The following GABRA3 variants were observed in gnomAD, a reference collection of about 807,000 sequenced individuals.
GABRA3 encodes gamma-aminobutyric acid type A receptor subunit alpha3, also known as gamma-aminobutyric acid receptor subunit alpha-3.
A neutral mutation model predicts 30.1 loss-of-function variants in GABRA3; 10 were observed. The ratio of observed to expected loss-of-function variants is 0.33; its 90% CI spans 0.20 to 0.56. GABRA3 has a LOEUF of 0.56. GABRA3 is among the 20% of genes least tolerant of loss of function. The pLI is 0.89. For synonymous variants in GABRA3, 151 were observed against 146.8 expected, an observed-to-expected ratio of 1.03 and a Z score of -0.21; for missense variants, 233 against 392.0, an observed-to-expected ratio of 0.59 and a Z score of 3.42.
intron 7 of GABRA3, among the ~76,000 whole-genome samples, chrX:152,201,768 T>C (rs1441917115): frequency 8.0e-5 from 9 of 112,088 alleles, no homozygotes; most frequent in Non-Finnish European, 1.7e-4. Context: ...ATCTTGGGTA[T>C]TTTTCCCTCT....
intron 4 of GABRA3, among the ~76,000 whole-genome samples, chrX:152,264,356 G>C (rs1938784601): frequency 9.0e-6 from 1 of 111,699 alleles, no homozygotes; most frequent in Non-Finnish European, 1.9e-5. Context: ...ATAAGGTATA[G>C]AATTTTTATT....
chrX:152,203,242 T>C (rs1937506522), intron 7 of GABRA3, among the ~76,000 whole-genome samples: 1 of 111,888 alleles, frequency 8.9e-6, no homozygotes, highest in African/African-American at 3.3e-5. Context: ...TATCAGTGTG[T>C]TTACTCTCCC....
chrX:152,321,840 T>A (rs1939968843), intron 3 of GABRA3, among the ~76,000 whole-genome samples: 1 of 110,926 alleles, frequency 9.0e-6, no homozygotes, highest in Admixed American at 9.6e-5. Flanking sequence ...TCAAACATGC[T>A]GAATTCCTTT....
intron 3 of GABRA3, among the ~76,000 whole-genome samples, chrX:152,298,007 C>T (rs1020887471): frequency 1.2e-4 from 13 of 112,091 alleles, no homozygotes; most frequent in African/African-American, 4.2e-4. Flanking sequence ...AGAGGAATGT[C>T]CTTCAACTGG....
chrX:152,192,380 A>C, intron 8 of GABRA3, among the ~76,000 whole-genome samples: 1 of 112,175 alleles, frequency 8.9e-6, no homozygotes, highest in Non-Finnish European at 1.9e-5. Context: ...TAGTGCACTT[A>C]CGTGATGACA....
At chrX:152,292,086 A>C (rs1939430033) in intron 3 of GABRA3, among the ~76,000 whole-genome samples, 1 of 111,650 alleles carries the variant, frequency 9.0e-6, no homozygotes, top group African/African-American at 3.3e-5. Context: ...AGTTTCAAAA[A>C]GATGGTACCA....
At chrX:152,375,450 T>A (rs771698829) in intron 1 of GABRA3, among the ~76,000 whole-genome samples, 5 of 112,544 alleles carry the variant, frequency 4.4e-5, no homozygotes, top group Admixed American at 2.8e-4. Flanking sequence ...GTTATTCTTC[T>A]AGTTTATAAA....
rs777080997 is a variant in GABRA3, at chrX:152,171,266, CT to C, written c.1144-2704del. 26 of 145,962 alleles carry C rather than the reference CT, an allele frequency of 1.8e-4. No individual in the cohort carries two copies. In the East Asian group the frequency reaches 3.2e-3, roughly 18 times the overall value. The allele number at this position is 145,962 out of a possible 1,213,427, so 12.0% of individuals were successfully genotyped here. On this transcript the variant is annotated intron_variant, in intron 9 of 9. Coordinates refer to ENST00000370314, the MANE Select transcript of GABRA3 (RefSeq NM_000808.4). ...AAACAGTGATTCTGAACAATGAATACTTTTTTTTAGCTCCATAGGCACTTTA... is the reference window on the plus strand; with the variant it reads ...AAACAGTGATTCTGAACAATGAATACTTTTTTTAGCTCCATAGGCACTTTA...
chrX:152,237,661 A>G (rs1938254104), intron 5 of GABRA3, among the ~76,000 whole-genome samples: 1 of 107,023 alleles, frequency 9.3e-6, no homozygotes. Flanking sequence ...ATCCTCTTTT[A>G]TTTCCTTGAG....
At chrX:152,372,855 C>A (rs1222049503) in intron 1 of GABRA3, among the ~76,000 whole-genome samples, 5 of 112,098 alleles carry the variant, frequency 4.5e-5, no homozygotes, top group Non-Finnish European at 7.5e-5. Context: ...ACTTCATTAA[C>A]TTTCCCCTGA....
intron 3 of GABRA3, among the ~76,000 whole-genome samples, chrX:152,331,727 G>T (rs1465778210): frequency 9.0e-6 from 1 of 111,334 alleles, no homozygotes; most frequent in Non-Finnish European, 1.9e-5. Flanking sequence ...AAAGGGACAG[G>T]AAGAGATTTA....
chrX:152,168,627 C>T lies in GABRA3; in HGVS notation c.1144-64G>A, dbSNP rs1027686765. On this transcript the variant is annotated intron_variant, in intron 9 of 9. Transcript: ENST00000370314. ...AAGCAAAGCTAATTAATTCATTACA[C>T]AGAGAACCTTCAGAGGCTGCAGGGA... 6.7e-6 allele frequency: 6 copies of T among 897,088 alleles called. No homozygotes were observed. In the African/African-American group the frequency reaches 1.2e-4, roughly 18 times the overall value. The allele number at this position is 897,088 out of a possible 1,213,427, so 73.9% of individuals were successfully genotyped here.
chrX:152,186,172 G>T (rs1001919596), intron 9 of GABRA3, among the ~76,000 whole-genome samples: 11 of 110,890 alleles, frequency 9.9e-5, no homozygotes, highest in African/African-American at 2.0e-4. Context: ...ATTCAGTTTG[G>T]TGTCTGTCAG....
intron 5 of GABRA3, among the ~76,000 whole-genome samples, chrX:152,249,713 C>T (rs999721301): frequency 9.0e-6 from 1 of 111,208 alleles, no homozygotes; most frequent in Non-Finnish European, 1.9e-5. Context: ...GTACTCTGGT[C>T]CAATCACACT....
chrX:152,268,600 C>T lies in GABRA3; in HGVS notation c.331-12602G>A, dbSNP rs188968190. Among the ~76,000 whole-genome samples the T allele has an allele frequency of 4.5e-5, 5 of 112,203 alleles. No homozygotes were observed. The Admixed American group carries it at 4.7e-4, about 11-fold the overall frequency. ...CACTTTGCTTTGAGATGGGGTTTCA[C>T]TTTGTCACCCAGGCTGGAATGCAGT... On this transcript the variant is annotated intron_variant, in intron 4 of 9. Transcript: ENST00000370314.
chrX:152,374,062 T>A (rs2045053634), intron 1 of GABRA3, among the ~76,000 whole-genome samples: 1 of 111,542 alleles, frequency 9.0e-6, no homozygotes, highest in South Asian at 3.8e-4. Context: ...TGATCAATGA[T>A]GTTGAGCATT....
intron 1 of GABRA3, among the ~76,000 whole-genome samples, chrX:152,440,570 CTA>C (rs745515831): frequency 1.1e-3 from 119 of 112,274 alleles, no homozygotes; most frequent in Non-Finnish European, 1.7e-3. Context: ...ACGTGTACAT[CTA>C]TGTTTATTGT....
rs893933154 is a variant in GABRA3 at position 152,410,122 on chromosome X, G to T, written c.-27+41024C>A. Among the ~76,000 whole-genome samples the T allele has an allele frequency of 3.8e-4, 43 of 111,889 alleles. No homozygotes were observed. The Admixed American group carries it at 4.1e-3, about 11-fold the overall frequency. On this transcript the variant is annotated intron_variant, in intron 1 of 9. Transcript: ENST00000370314. ...AAGTGAACTAAGCCAGGCATGAAAA[G>T]AAAAACTTTGCATGTTCTCACTCAT...
chrX:152,216,940 C>A (rs188469551), intron 6 of GABRA3, among the ~76,000 whole-genome samples: 5 of 110,612 alleles, frequency 4.5e-5, no homozygotes, highest in African/African-American at 1.3e-4. Context: ...AGTATACACA[C>A]TTATTTGTCA....
Sources: gnomAD v4.1 joint callset for allele counts (sites outside exome capture counted in the v4.1 genomes callset) on GRCh38, gnomAD v4.1.1 for gene constraint, MANE v1.5 for transcripts, NCBI Gene and HGNC (gene_info 2026-07-23, HGNC 2026-07-21) for gene names.